The following SCMH1 variants were observed in gnomAD, a reference collection of about 807,000 sequenced individuals.
SCMH1 encodes Scm polycomb group protein homolog 1, also known as polycomb protein SCMH1.
A neutral mutation model predicts 70.8 loss-of-function variants in SCMH1; 37 were observed. That is an observed-to-expected ratio of 0.52 (90% CI 0.40 to 0.69). The LOEUF is 0.69. Among genes scored for constraint, SCMH1 ranks in the 30% least tolerant of loss-of-function variants. SCMH1 has a pLI of 0.00. For synonymous variants in SCMH1, 292 were observed against 307.4 expected (o/e 0.95, Z 0.52); for missense variants, 607 against 827.3 (o/e 0.73, Z 3.27).
chr1:41,159,670 GT>G, intron 4 of SCMH1: 1 of 1,495,088 alleles, frequency 6.7e-7, no homozygotes, highest in Middle Eastern at 1.7e-4. Flanking sequence ...CTTGAGGAAA[GT>G]TTTAAAGAAT....
At chr1:41,092,724 C>T (rs370424253) in intron 8 of SCMH1, among the ~76,000 whole-genome samples, 5 of 151,992 alleles carry the variant, frequency 3.3e-5, no homozygotes, top group African/African-American at 9.7e-5. Context: ...ATATGAACAG[C>T]CACTTCTCAA....
intron 1 of SCMH1, among the ~76,000 whole-genome samples, chr1:41,227,877 C>G (rs974500534): frequency 6.6e-6 from 1 of 152,034 alleles, no homozygotes; most frequent in Non-Finnish European, 1.5e-5. Context: ...ACTTGGGAGG[C>G]TGAGGGAGGA....
Position 41,041,029 on chromosome 1 carries a change from G to C in SCMH1, c.1499-3488C>G, listed in dbSNP as rs139255317. The stretch of plus-strand genomic sequence containing the variant: ...GTCAGATGACCACCCTCATGTGTTG[G>C]GCTAGATACTAGATTATCTCTAGAG... On this transcript the variant is annotated intron_variant, in intron 12 of 14. Coordinates refer to ENST00000337495, the Ensembl canonical transcript of SCMH1. 9.0e-4 allele frequency among the ~76,000 whole-genome samples: 137 copies of C among 152,136 alleles called. 1 individual carries two copies. Among genetic ancestry groups the C allele is most frequent in the African/African-American group, 3.1e-3 (129 of 41,500 alleles).
rs546621671 is a variant in SCMH1 at position 41,167,688 on chromosome 1, G to T, written c.14-6256C>A. 5.9e-5 allele frequency among the ~76,000 whole-genome samples: 9 copies of T among 152,194 alleles called. No individual in the cohort carries two copies. The South Asian group carries it at 1.7e-3, about 28-fold the overall frequency. ...TCATAGTAGTCTTTCATGATCCTTT[G>T]TATTTCTATGTTGTCAGTTGTAATA... On this transcript the variant is annotated intron_variant, in intron 2 of 14. Transcript: ENST00000337495.
At chr1:41,130,191 G>C (rs977349560) in intron 6 of SCMH1, among the ~76,000 whole-genome samples, 1 of 152,104 alleles carries the variant, frequency 6.6e-6, no homozygotes, top group South Asian at 2.1e-4. Flanking sequence ...TGTTGTTGAG[G>C]TTTAGGAGTT....
intron 12 of SCMH1, chr1:41,041,195 T>C (rs1255022241): frequency 2.0e-5 from 3 of 152,074 alleles, no homozygotes; most frequent in Non-Finnish European, 4.4e-5. Flanking sequence ...AGACATAGCA[T>C]AGTCCTTGTG....
At chr1:41,117,821 C>G (rs984245765) in intron 6 of SCMH1, among the ~76,000 whole-genome samples, 1 of 152,226 alleles carries the variant, frequency 6.6e-6, no homozygotes, top group Non-Finnish European at 1.5e-5. Context: ...CCAGTGGACA[C>G]GTGACCCACG....
chr1:41,056,076 G>C (rs983012987), intron 10 of SCMH1, among the ~76,000 whole-genome samples: 2 of 152,164 alleles, frequency 1.3e-5, no homozygotes, highest in African/African-American at 4.8e-5. Flanking sequence ...TTGAATCTAG[G>C]CTCTGTGACT....
At chr1:41,118,261 A>G (rs1457230052) in intron 6 of SCMH1, among the ~76,000 whole-genome samples, 4 of 152,244 alleles carry the variant, frequency 2.6e-5, no homozygotes, top group Non-Finnish European at 5.9e-5. Context: ...AGTGGGACAG[A>G]GTCTCCAAAC....
chr1:41,204,243 T>C (rs1345778458), intron 1 of SCMH1, among the ~76,000 whole-genome samples: 3 of 152,202 alleles, frequency 2.0e-5, no homozygotes, highest in Admixed American at 1.3e-4. Flanking sequence ...CTGGGCTATT[T>C]AGTACGCCTT....
chr1:41,063,435 T>G (rs946887560), intron 10 of SCMH1, among the ~76,000 whole-genome samples: 3 of 152,052 alleles, frequency 2.0e-5, no homozygotes, highest in African/African-American at 7.2e-5. Flanking sequence ...ATCGCACCAC[T>G]GCACTCCAGC....
At chr1:41,053,914 G>C (rs902728216) in intron 10 of SCMH1, among the ~76,000 whole-genome samples, 1 of 151,526 alleles carries the variant, frequency 6.6e-6, no homozygotes, top group Non-Finnish European at 1.5e-5. Flanking sequence ...GCGTGATCTC[G>C]GCTCACTGCA....
In SCMH1 at chr1:41,186,364, T is replaced by C. The variant is rs927242024; in HGVS notation, c.-117-114A>G. 5 of 359,428 alleles carry C rather than the reference T, an allele frequency of 1.4e-5. No individual in the cohort carries two copies. The Admixed American group carries it at 1.9e-4, about 14-fold the overall frequency. 22.3% of individuals were successfully genotyped at this position (359,428 alleles called of 1,614,324 possible). ...TTATAAGAAAAGTAGGAAATTTAGATACAGATTTTTTGCTATTAGAATATC... is the reference window on the plus strand; with the variant it reads ...TTATAAGAAAAGTAGGAAATTTAGACACAGATTTTTTGCTATTAGAATATC... On this transcript the variant is annotated intron_variant, in intron 1 of 14. Transcript: ENST00000337495.
At chr1:41,196,119 T>C (rs1416149404) in intron 1 of SCMH1, among the ~76,000 whole-genome samples, 1 of 152,152 alleles carries the variant, frequency 6.6e-6, no homozygotes, top group Non-Finnish European at 1.5e-5. Context: ...GAAAGACTAA[T>C]ATTGTTAAGA....
chr1:41,134,399 C>A (rs558266006), intron 6 of SCMH1, among the ~76,000 whole-genome samples: 1 of 152,308 alleles, frequency 6.6e-6, no homozygotes, highest in African/African-American at 2.4e-5. Context: ...TCTCTCACCA[C>A]TCCTATTCAA....
intron 1 of SCMH1, among the ~76,000 whole-genome samples, chr1:41,200,786 G>A (rs1654169651): frequency 1.3e-5 from 2 of 152,068 alleles, no homozygotes; most frequent in Non-Finnish European, 2.9e-5. Context: ...TTTCTCTAAG[G>A]TTTTCTGGAG....
chr1:41,223,174 A>G (rs1055444252), intron 1 of SCMH1, among the ~76,000 whole-genome samples: 1 of 152,196 alleles, frequency 6.6e-6, no homozygotes, highest in Non-Finnish European at 1.5e-5. Flanking sequence ...TTCCAGGATT[A>G]CCTGATTGTA....
intron 1 of SCMH1, among the ~76,000 whole-genome samples, chr1:41,220,885 ATC>A (rs1412595567): frequency 6.6e-6 from 1 of 152,242 alleles, no homozygotes; most frequent in Non-Finnish European, 1.5e-5. Context: ...GACTAATACC[ATC>A]AACTTTTGGT....
chr1:41,028,161 T>A, exon 15 of SCMH1: 1 of 1,613,470 alleles, frequency 6.2e-7, no homozygotes, highest in South Asian at 1.1e-5. Context: ...CCCCACCTGC[T>A]GCCACTTGGT....
Sources: gnomAD v4.1 joint callset for allele counts (sites outside exome capture counted in the v4.1 genomes callset) on GRCh38, gnomAD v4.1.1 for gene constraint, MANE v1.5 for transcripts, NCBI Gene and HGNC (gene_info 2026-07-23, HGNC 2026-07-21) for gene names.